The following DHH variants were observed in gnomAD, a reference collection of about 807,000 sequenced individuals.
DHH encodes desert hedgehog protein.
In DHH, 16 loss-of-function variants were observed where a neutral mutation model predicts 27.6. The ratio of observed to expected loss-of-function variants is 0.58; its 90% confidence interval spans 0.39 to 0.88. The LOEUF is 0.88. Among genes scored for constraint, DHH ranks in the 40% least tolerant of loss-of-function variants. The pLI, the probability that DHH is intolerant of heterozygous loss-of-function variation, is 0.00. For missense variants in DHH, 436 were observed against 563.1 expected, an observed-to-expected ratio of 0.77 and a Z score of 2.28; for synonymous variants, 289 against 263.4, an observed-to-expected ratio of 1.10 and a Z score of -0.94.
Position 49,089,202 on chromosome 12 carries a change from G to C in DHH, c.*657C>G, listed in dbSNP as rs1171181655. On this transcript the variant is annotated 3_prime_UTR_variant, in exon 3 of 3. Coordinates refer to ENST00000649637, the MANE Select transcript of DHH (RefSeq NM_021044.4). ...GACCCTTCAGCCGCAGGAGCGAAAT[G>C]CTGGTCCTCTCTGGATGGGAGACGG... Among the ~76,000 whole-genome samples the C allele has an allele frequency of 2.0e-5, 3 of 152,268 alleles. No individual in the cohort carries two copies. The highest frequency in any genetic ancestry group is 7.2e-5 in the African/African-American group (3 of 41,466).
Position 49,089,684 on chromosome 12 carries a change from C to G in DHH, c.*175G>C, listed in dbSNP as rs944113609. On this transcript the variant is annotated 3_prime_UTR_variant, in exon 3 of 3. Transcript: ENST00000649637. ...CCATCAGCCCTACCTACCTAGGACC[C>G]GGTATCACCTCCTCTCAGTACGAGG... 9 of 777,710 alleles carry G rather than the reference C, an allele frequency of 1.2e-5. No homozygotes were observed. Among genetic ancestry groups the G allele is most frequent in the Non-Finnish European group, 1.5e-5 (8 of 530,654 alleles). 48.2% of individuals were successfully genotyped at this position (777,710 alleles called of 1,614,324 possible).
chr12:49,091,400 A>G lies in DHH; in HGVS notation c.304-11T>C, dbSNP rs1474830993. The G allele has an allele frequency of 6.2e-7, 1 of 1,613,824 alleles. No individual in the cohort carries two copies. The highest frequency in any genetic ancestry group is 1.3e-5 in the African/African-American group (1 of 75,054). On this transcript the variant is annotated splice_polypyrimidine_tract_variant and intron_variant, in intron 1 of 2. Coordinates refer to ENST00000649637, the MANE Select transcript of DHH (RefSeq NM_021044.4). This position sits in a 1 kb window ranked among gnomAD's most constrained non-coding sequence, Gnocchi z 4.8. ...CCGCTCCTTACAACGCTGGCGGGGA[A>G]TAAAGGAGTCAGTCTCCCCACCACC...
chr12:49,086,745 A>C lies in DHH; in HGVS notation c.*3114T>G, dbSNP rs1939217741. On this transcript the variant is annotated 3_prime_UTR_variant, in exon 3 of 3. Coordinates refer to ENST00000649637, the MANE Select transcript of DHH (RefSeq NM_021044.4). ...ACCCCATTATGCTTTCACCTCCTTGACTACTGAGCTCAAGGGTCACAAAGG... is the reference window on the plus strand; with the variant it reads ...ACCCCATTATGCTTTCACCTCCTTGCCTACTGAGCTCAAGGGTCACAAAGG... Among the ~76,000 whole-genome samples the C allele has an allele frequency of 6.6e-6, 1 of 152,216 alleles. No individual in the cohort carries two copies. The highest frequency in any genetic ancestry group is 2.1e-4 in the South Asian group (1 of 4,836).
chr12:49,091,509 G>T lies in DHH; in HGVS notation c.304-120C>A. 1 of 1,409,176 alleles carries T rather than the reference G, an allele frequency of 7.1e-7. No individual in the cohort carries two copies. Among genetic ancestry groups the T allele is most frequent in the Non-Finnish European group, 9.7e-7 (1 of 1,033,824 alleles). The allele number at this position is 1,409,176 out of a possible 1,614,324, so 87.3% of individuals were successfully genotyped here. A position where few individuals can be genotyped will look rare whatever the true frequency, so the allele number is the denominator to read the frequency against. On this transcript the variant is annotated intron_variant, in intron 1 of 2. Transcript: ENST00000649637. The surrounding 1 kb of genome is among the most constrained non-coding windows in gnomAD (Gnocchi z 4.8). ...CTCTTACCCCTCCCAGCTTTTGAGT[G>T]TCCTGGAGAAATGAGAATCTGAGTC... is the stretch of plus-strand genomic sequence containing the variant.
Position 49,090,210 on chromosome 12 carries a change from C to A in DHH, c.840G>T (p.Ala280=), listed in dbSNP as rs1480500426. The change falls in exon 3 of 3, where the codon GCG becomes GCT. Residue 280 remains alanine (A), a synonymous_variant. Coordinates refer to ENST00000649637, the MANE Select transcript of DHH (RefSeq NM_021044.4). This position sits in a 1 kb window ranked among gnomAD's most constrained non-coding sequence, Gnocchi z 5.2. ...CCGGTGCAAAGTCGCCTGGCGCGGG[C>A]GCCGGCCCTCGAGCGGCAAACACCA... ...WHLVFAARGP[A]PAPGDFAPVF... 6.4e-7 allele frequency: 1 copy of A among 1,552,484 alleles called. No individual in the cohort carries two copies. The highest frequency in any genetic ancestry group is 8.7e-7 in the Non-Finnish European group (1 of 1,148,454).
At chr12:49,092,274 C>T (rs1939317640) in intron 1 of DHH, 1 of 152,362 alleles carries the variant, frequency 6.6e-6, no homozygotes, top group South Asian at 2.1e-4. Flanking sequence ...AGATGCAGCC[C>T]AGAAGGGCGT....
chr12:49,091,973 G>T lies in DHH; in HGVS notation c.304-584C>A, dbSNP rs1459465135. Among the ~76,000 whole-genome samples, 1 of 152,176 alleles carries T rather than the reference G, an allele frequency of 6.6e-6. No individual in the cohort carries two copies. The highest frequency in any genetic ancestry group is 2.4e-5 in the African/African-American group (1 of 41,450). On this transcript the variant is annotated intron_variant, in intron 1 of 2. Transcript: ENST00000649637. The surrounding 1 kb of genome is among the most constrained non-coding windows in gnomAD (Gnocchi z 4.8). ...GCGGGATCAAGGCTGCTGGAAAAAGGATTGGGGTGGCGGGGGTTGCGCGAA... is the reference window on the plus strand; with the variant it reads ...GCGGGATCAAGGCTGCTGGAAAAAGTATTGGGGTGGCGGGGGTTGCGCGAA...
At chr12:49,092,673 C>G (rs1176555898) in intron 1 of DHH, among the ~76,000 whole-genome samples, 1 of 152,218 alleles carries the variant, frequency 6.6e-6, no homozygotes, top group Non-Finnish European at 1.5e-5. Flanking sequence ...AAGGAGGCCC[C>G]GAGGCCCTGA....
In DHH at chr12:49,090,216, C is replaced by T. The variant is rs1429273851; in HGVS notation, c.834G>A (p.Gly278=). The part of the protein sequence containing the change: ...TPWHLVFAAR[G]PAPAPGDFAP... ...CAAAGTCGCCTGGCGCGGGCGCCGG[C>T]CCTCGAGCGGCAAACACCAGGTGCC... is the stretch of plus-strand genomic sequence containing the variant. Residue 278 remains glycine, a synonymous_variant, in exon 3 of 3, where the codon GGG becomes GGA. Coordinates refer to ENST00000649637, the MANE Select transcript of DHH (RefSeq NM_021044.4). This position sits in a 1 kb window ranked among gnomAD's most constrained non-coding sequence, Gnocchi z 5.2. The T allele has an allele frequency of 6.4e-7, 1 of 1,554,100 alleles. No individual in the cohort carries two copies. Among genetic ancestry groups the T allele is most frequent in the Non-Finnish European group, 8.7e-7 (1 of 1,149,368 alleles).
chr12:49,089,752 C>A lies in DHH; in HGVS notation c.*107G>T. On this transcript the variant is annotated 3_prime_UTR_variant, in exon 3 of 3. Transcript: ENST00000649637. ...ATAGCCCCATTTTCTCCCTCCCCCT[C>A]CCTCTCCCTCCCTTCCAGTCGGCAT... The A allele has an allele frequency of 5.8e-6, 8 of 1,383,902 alleles. No individual in the cohort carries two copies. The highest frequency in any genetic ancestry group is 7.6e-6 in the Non-Finnish European group (8 of 1,057,980). 85.7% of individuals were successfully genotyped at this position (1,383,902 alleles called of 1,614,324 possible).
Position 49,089,711 on chromosome 12 carries a change from T to G in DHH, c.*148A>C, listed in dbSNP as rs1265702416. On this transcript the variant is annotated 3_prime_UTR_variant, in exon 3 of 3. Coordinates refer to ENST00000649637, the MANE Select transcript of DHH (RefSeq NM_021044.4). ...GTATCACCTCCTCTCAGTACGAGGT[T>G]GCCCCTAAGCCAGGCATAGCCCCAT... 1 of 1,078,800 alleles carries G rather than the reference T, an allele frequency of 9.3e-7. No individual in the cohort carries two copies. The highest frequency in any genetic ancestry group is 1.6e-5 in the African/African-American group (1 of 61,490). 66.8% of individuals were successfully genotyped at this position (1,078,800 alleles called of 1,614,324 possible).
chr12:49,094,338 C>A lies in DHH; in HGVS notation c.175G>T (p.Ala59Ser). 6.2e-7 allele frequency: 1 copy of A among 1,613,140 alleles called. No individual in the cohort carries two copies. The highest frequency in any genetic ancestry group is 8.5e-7 in the Non-Finnish European group (1 of 1,179,898). ...ACCCTCCCCTCCGCTGGCCCACTGG[C>A]GCCCAGGGTCCGCTCTGGCACGCCG... Reference protein sequence around the residue: ...VPGVPERTLGASGPAEGRVAR... With the variant: ...VPGVPERTLGSSGPAEGRVAR... The change falls in exon 1 of 3, where the codon GCC (alanine) becomes TCC (serine). Residue 59 changes from alanine (A) to serine (S), a missense_variant. Ala to Ser is a moderately conservative substitution (Grantham distance 99). Transcript: ENST00000649637.
Position 49,091,258 on chromosome 12 carries a change from A to C in DHH, c.435T>G (p.Arg145=). The change falls in exon 2 of 3, where the codon CGT becomes CGG. Residue 145 remains arginine, a synonymous_variant. Transcript: ENST00000649637. This position sits in a 1 kb window ranked among gnomAD's most constrained non-coding sequence, Gnocchi z 4.8. ...HAQDSLHYEG[R]ALDITTSDRD... is the part of the protein sequence containing the mutation. ...GGTCAGACGTAGTGATGTCCAAAGC[A>C]CGGCCTTCGTAGTGGAGTGAATCCT... 6.2e-7 allele frequency: 1 copy of C among 1,614,206 alleles called. No individual in the cohort carries two copies. Among genetic ancestry groups the C allele is most frequent in the Non-Finnish European group, 8.5e-7 (1 of 1,180,040 alleles).
rs1939292179 is a variant in DHH, at chr12:49,090,981, C to G, written c.565+147G>C. On this transcript the variant is annotated intron_variant, in intron 2 of 2. Transcript: ENST00000649637. This position sits in a 1 kb window ranked among gnomAD's most constrained non-coding sequence, Gnocchi z 5.2. ...CCTCCCAAAGTGCTGGGATTAGAGG[C>G]GTGAGGCACCGCCTCGGCCTGGACG... 1 of 1,219,180 alleles carries G rather than the reference C, an allele frequency of 8.2e-7. No individual in the cohort carries two copies. The highest frequency in any genetic ancestry group is 1.2e-6 in the Non-Finnish European group (1 of 838,004). 75.5% of individuals were successfully genotyped at this position (1,219,180 alleles called of 1,614,324 possible). A position where few individuals can be genotyped will look rare whatever the true frequency, so the allele number is the denominator to read the frequency against.
In DHH at chr12:49,094,719, G is replaced by A; in HGVS notation, c.-207C>T. 1 of 647,832 alleles carries A rather than the reference G, an allele frequency of 1.5e-6. No individual in the cohort carries two copies. Among genetic ancestry groups the A allele is most frequent in the Non-Finnish European group, 2.7e-6 (1 of 366,446 alleles). The allele number at this position is 647,832 out of a possible 1,614,324, so 40.1% of individuals were successfully genotyped here. On this transcript the variant is annotated 5_prime_UTR_variant, in exon 1 of 3. It introduces an in-frame stop codon into an upstream open reading frame of the 5' UTR. Transcript: ENST00000649637. ...CGGGGGGTGTCTAGGACCTGCTACT[G>A]ACAAACCATCATAGCAGGGAAGGGG...
chr12:49,090,703 G>A lies in DHH; in HGVS notation c.566-219C>T. On this transcript the variant is annotated intron_variant, in intron 2 of 2. Coordinates refer to ENST00000649637, the MANE Select transcript of DHH (RefSeq NM_021044.4). This position sits in a 1 kb window ranked among gnomAD's most constrained non-coding sequence, Gnocchi z 5.2. ...TGTATGTATGTATGTATGTATGTAT[G>A]TATGTATGTATTTTGAGATAGAATC... 6.7e-6 allele frequency among the ~76,000 whole-genome samples: 1 copy of A among 150,198 alleles called. No individual in the cohort carries two copies. Among genetic ancestry groups the A allele is most frequent in the African/African-American group, 2.4e-5 (1 of 41,004 alleles).
chr12:49,094,480 G>A lies in DHH; in HGVS notation c.33C>T (p.Cys11=), dbSNP rs1254546845. 5 of 1,570,868 alleles carry A rather than the reference G, an allele frequency of 3.2e-6. No homozygotes were observed. Among genetic ancestry groups the A allele is most frequent in the East Asian group, 2.4e-5 (1 of 42,094 alleles). MALLTNLLPL[C]CLALLALPAQ... ...CTGGCAGCGCCAGAAGTGCCAAGCA[G>A]CACAGGGGCAGTAGATTGGTCAGGA... Residue 11 remains cysteine (C), a synonymous_variant, in exon 1 of 3, where the codon TGC becomes TGT. Coordinates refer to ENST00000649637, the MANE Select transcript of DHH (RefSeq NM_021044.4).
In DHH at chr12:49,087,475, G is replaced by A. The variant is rs1388095350; in HGVS notation, c.*2384C>T. 1.3e-5 allele frequency among the ~76,000 whole-genome samples: 2 copies of A among 152,170 alleles called. No homozygotes were observed. Among genetic ancestry groups the A allele is most frequent in the Non-Finnish European group, 2.9e-5 (2 of 68,030 alleles). ...ACACCTGTAATTCCAGCACTTTGTG[G>A]GGCAAAGGCGGGAGCCCAGGAGTTC... On this transcript the variant is annotated 3_prime_UTR_variant, in exon 3 of 3. Transcript: ENST00000649637.
chr12:49,091,422 C>A lies in DHH; in HGVS notation c.304-33G>T. 6.2e-7 allele frequency: 1 copy of A among 1,612,324 alleles called. No homozygotes were observed. ...GGAATAAAGGAGTCAGTCTCCCCAC[C>A]ACCACCCTTGGGGCAAAAGGGACCT... On this transcript the variant is annotated intron_variant, in intron 1 of 2. Transcript: ENST00000649637. This position sits in a 1 kb window ranked among gnomAD's most constrained non-coding sequence, Gnocchi z 4.8.
Sources: gnomAD v4.1 joint callset for allele counts (sites outside exome capture counted in the v4.1 genomes callset) on GRCh38, gnomAD v4.1.1 for gene constraint, Gnocchi (gnomAD v3.1) non-coding constraint, MANE v1.5 for transcripts, NCBI Gene and HGNC (gene_info 2026-07-23, HGNC 2026-07-21) for gene names.